KIF1B: variants seen among roughly 807,000 people sequenced by gnomAD.
KIF1B encodes kinesin family member 1B.
Under a neutral mutation model 241.9 loss-of-function variants are expected in KIF1B, and 76 were observed. The observed-to-expected ratio is 0.31, with a 90% CI of 0.26 to 0.38. KIF1B has a LOEUF of 0.38. Ranked by LOEUF, KIF1B falls within the 10% of genes least tolerant of loss-of-function variation. KIF1B has a pLI of 1.00. For synonymous variants in KIF1B, 750 were observed against 796.7 expected, an observed-to-expected ratio of 0.94 and a Z score of 0.99; for missense variants, 1,622 against 2,271.4, an observed-to-expected ratio of 0.71 and a Z score of 5.81.
Position 10,377,954 on chromosome 1 carries a change from T to A in KIF1B, c.*1367T>A. The A allele has an allele frequency of 4.4e-6, 1 of 226,312 alleles. No homozygotes were observed. The highest frequency in any genetic ancestry group is 5.6e-5 in the Admixed American group (1 of 17,988). The allele number at this position is 226,312 out of a possible 1,614,324, so 14.0% of individuals were successfully genotyped here. A position where few individuals can be genotyped will look rare whatever the true frequency, so the allele number is the denominator to read the frequency against. ...CTGCCTCAGAAAAAAAAAAAAATAA[T>A]AATGCTGGGTAGTGACCTTGTGATT... On this transcript the variant is annotated 3_prime_UTR_variant, in exon 49 of 49. Coordinates refer to ENST00000676179, the MANE Select transcript of KIF1B (RefSeq NM_001365951.3).
intron 22 of KIF1B, chr1:10,304,094 A>G: frequency 1.9e-6 from 3 of 1,613,858 alleles, no homozygotes; most frequent in Non-Finnish European, 2.5e-6. Context: ...AAACACAGAA[A>G]CTCTTGGAGT....
Position 10,324,815 on chromosome 1 carries a change from T to A in KIF1B, c.2595T>A (p.Ser865Arg). ...ATAGGGCAGGGGAGATGGCCTCCAG[T>A]GCCCAAGACGAAAGCGAAACCACTG... is the stretch of plus-strand genomic sequence containing the variant. ...MYDRAGEMAS[S>R]AQDESETTVT... The change falls in exon 26 of 49, where the codon AGT (serine) becomes AGA (arginine). Residue 865 changes from serine (S) to arginine (R), a missense_variant. Ser to Arg is a moderately radical substitution (Grantham distance 110). Coordinates refer to ENST00000676179, the MANE Select transcript of KIF1B (RefSeq NM_001365951.3). 5.0e-6 allele frequency: 8 copies of A among 1,614,190 alleles called. No individual in the cohort carries two copies. The highest frequency in any genetic ancestry group is 5.9e-6 in the Non-Finnish European group (7 of 1,180,024).
chr1:10,343,283 G>C lies in KIF1B; in HGVS notation c.3684G>C (p.Lys1228Asn). 3.1e-6 allele frequency: 5 copies of C among 1,614,132 alleles called. No homozygotes were observed. The highest frequency in any genetic ancestry group is 4.2e-6 in the Non-Finnish European group (5 of 1,179,992). ...TCCCTCCACCCATGCCACTGTCCAAGCCAGGTGAGCACTCGCTCCGCTTTT... is the reference window on the plus strand; with the variant it reads ...TCCCTCCACCCATGCCACTGTCCAACCCAGGTGAGCACTCGCTCCGCTTTT... ...RFFPPPMPLS[K>N]PVPATKLNTM... is the part of the protein sequence containing the mutation. Residue 1228 changes from lysine to asparagine, a missense_variant, in exon 34 of 49, where the codon AAG (lysine) becomes AAC (asparagine). Physicochemically the swap from Lys to Asn is moderately conservative, Grantham distance 94 (BLOSUM62 0). Around this residue, in one of 7 missense-constraint regions of KIF1B, gnomAD observed 803 missense variants for 1,112.0 expected, o/e 0.72. Transcript: ENST00000676179.
At chr1:10,310,822 A>G (rs955850906) in intron 22 of KIF1B, among the ~76,000 whole-genome samples, 1 of 151,530 alleles carries the variant, frequency 6.6e-6, no homozygotes, top group African/African-American at 2.4e-5. Context: ...CATGATGGAA[A>G]AACACAAGGT....
chr1:10,259,236 A>G (rs1331574326), intron 4 of KIF1B, among the ~76,000 whole-genome samples: 1 of 149,632 alleles, frequency 6.7e-6, no homozygotes, highest in Non-Finnish European at 1.5e-5. Context: ...TGACATAGAT[A>G]TTTATTTATT....
intron 17 of KIF1B, among the ~76,000 whole-genome samples, chr1:10,292,524 T>C (rs913651611): frequency 6.6e-6 from 1 of 152,220 alleles, no homozygotes; most frequent in African/African-American, 2.4e-5. Context: ...ATTTCAGCTG[T>C]ACAGGTTTGT....
chr1:10,249,019 A>G (rs1197087290), intron 2 of KIF1B, among the ~76,000 whole-genome samples: 2 of 152,164 alleles, frequency 1.3e-5, no homozygotes, highest in Non-Finnish European at 2.9e-5. Context: ...TAAAAGAGTT[A>G]TTTTCTGACA....
rs1221594191 is a variant in KIF1B, at chr1:10,296,646, G to A, written c.1842G>A (p.Gln614=). Residue 614 remains glutamine, a synonymous_variant, in exon 20 of 49, where the codon CAG becomes CAA. Transcript: ENST00000676179. ...ACGTAAATGGCAAGAGGGTGTCCCA[G>A]CCTGTTCAGCTGCGCTCAGGTGAGA... ...ETYVNGKRVS[Q]PVQLRSGNRI... 1.2e-6 allele frequency: 2 copies of A among 1,613,996 alleles called. No homozygotes were observed. Among genetic ancestry groups the A allele is most frequent in the African/African-American group, 1.3e-5 (1 of 75,014 alleles).
chr1:10,252,744 G>A (rs1050595531), intron 2 of KIF1B, among the ~76,000 whole-genome samples: 2 of 151,630 alleles, frequency 1.3e-5, no homozygotes, highest in Admixed American at 6.6e-5. Context: ...TTGAGATGGA[G>A]TTTTGCTCTT....
chr1:10,319,908 A>G (rs1651456085), intron 22 of KIF1B, 135 bp from the exon 23 acceptor site: 1 of 661,434 alleles, frequency 1.5e-6, no homozygotes, highest in Non-Finnish European at 2.7e-6. Context: ...ATGTCTTTTT[A>G]TTATTGTTTC....
At chr1:10,336,138 C>T (rs948916612) in intron 28 of KIF1B, among the ~76,000 whole-genome samples, 15 of 152,190 alleles carry the variant, frequency 9.9e-5, no homozygotes, top group Admixed American at 6.5e-4. Context: ...TTTGAACAAT[C>T]TCAAGAATAA....
intron 22 of KIF1B, among the ~76,000 whole-genome samples, chr1:10,317,335 T>G (rs1651345343): frequency 6.6e-6 from 1 of 151,496 alleles, no homozygotes; most frequent in Non-Finnish European, 1.5e-5. Flanking sequence ...GGATCCTGTG[T>G]CCTTTTGAAA....
At chr1:10,345,112 T>C (rs114868218) in intron 34 of KIF1B, among the ~76,000 whole-genome samples, 2,901 of 152,132 alleles carry the variant, frequency 0.019, 42 homozygotes, top group Non-Finnish European at 0.028. Context: ...GAGGATGGTT[T>C]GAGCCCAGAG....
At chr1:10,232,481 C>T in intron 2 of KIF1B, 47 bp downstream of exon 2, 2 of 1,345,072 alleles carry the variant, frequency 1.5e-6, no homozygotes. Context: ...ACTTTCCTTT[C>T]TTCTTTCCCT....
chr1:10,288,310 A>G (rs1649813407), intron 15 of KIF1B, among the ~76,000 whole-genome samples: 1 of 152,080 alleles, frequency 6.6e-6, no homozygotes, highest in Non-Finnish European at 1.5e-5. Context: ...AACTATTGAA[A>G]ACTTGGTTCT....
In KIF1B at chr1:10,276,303, C is replaced by T. The variant is rs1649105080; in HGVS notation, c.959-18C>T. On this transcript the variant is annotated intron_variant, in intron 11 of 48. Transcript: ENST00000676179. Reference sequence around the variant, plus strand: ...TCTAAAATGAGTGTGATTTGATACTCATGATTAATCTTTTTAGGTGGCAAT... The same window carrying T: ...TCTAAAATGAGTGTGATTTGATACTTATGATTAATCTTTTTAGGTGGCAAT... The T allele has an allele frequency of 1.3e-6, 2 of 1,589,242 alleles. No individual in the cohort carries two copies. Among genetic ancestry groups the T allele is most frequent in the Non-Finnish European group, 1.7e-6 (2 of 1,157,674 alleles).
At chr1:10,296,441 C>T (rs1195880473) in intron 19 of KIF1B, 141 bp from the exon 20 acceptor site, 8 of 715,914 alleles carry the variant, frequency 1.1e-5, no homozygotes, top group Non-Finnish European at 2.0e-5. Flanking sequence ...CCAAAATGAA[C>T]TACTGTATAG....
rs185380082 is a variant in KIF1B, at chr1:10,253,499, C to T, written c.107-2748C>T. Among the ~76,000 whole-genome samples, 9 of 152,074 alleles carry T rather than the reference C, an allele frequency of 5.9e-5. No homozygotes were observed. In the East Asian group the frequency reaches 1.4e-3, roughly 23 times the overall value. Reference sequence around the variant, plus strand: ...TCTACAAAAAAGAAAAATAATTAGCCGGGTGTAGTGGCATGAACCTGTGGT... The same window carrying T: ...TCTACAAAAAAGAAAAATAATTAGCTGGGTGTAGTGGCATGAACCTGTGGT... On this transcript the variant is annotated intron_variant, in intron 2 of 48. Coordinates refer to ENST00000676179, the MANE Select transcript of KIF1B (RefSeq NM_001365951.3).
At chr1:10,230,303 T>C (rs1266078558) in intron 1 of KIF1B, among the ~76,000 whole-genome samples, 1 of 152,228 alleles carries the variant, frequency 6.6e-6, no homozygotes, top group East Asian at 1.9e-4. Flanking sequence ...AGTTCTGTTG[T>C]GGTTCCTGAT....
Sources: gnomAD v4.1 joint callset for allele counts (sites outside exome capture counted in the v4.1 genomes callset) on GRCh38, gnomAD v4.1.1 for gene constraint, gnomAD v4.1.1 regional missense constraint, MANE v1.5 for transcripts, NCBI Gene and HGNC (gene_info 2026-07-23, HGNC 2026-07-21) for gene names.